SSU72L2: variants seen among roughly 807,000 people sequenced by gnomAD.
SSU72L2 encodes SSU72 like 2, also known as RNA polymerase II subunit A C-terminal domain phosphatase SSU72 like protein 2.
chr11:4,241,752 C>T, the SSU72L2 span, among the ~76,000 whole-genome samples: 18 of 147,590 alleles, frequency 1.2e-4, no homozygotes, highest in South Asian at 9.1e-4. Context: ...TCGGTTTGCT[C>T]ATCTGGAAAA....
the SSU72L2 span, chr11:4,242,473 A>C: frequency 5.1e-6 from 4 of 778,036 alleles, no homozygotes; most frequent in South Asian, 5.4e-5. Context: ...TTGTTGCAAA[A>C]TCATAAACTA....
chr11:4,242,660 CAG>C, the SSU72L2 span: 1 of 578,066 alleles, frequency 1.7e-6, no homozygotes, highest in Non-Finnish European at 3.1e-6. Flanking sequence ...CACTGGGAAC[CAG>C]AGAGACACAG....
At chr11:4,241,785 C>T in the SSU72L2 span, among the ~76,000 whole-genome samples, 14 of 149,214 alleles carry the variant, frequency 9.4e-5, no homozygotes, top group African/African-American at 2.2e-4. Flanking sequence ...GGGCTAGCTT[C>T]CTTGTAGAAT....
chr11:4,241,850 A>G, the SSU72L2 span, among the ~76,000 whole-genome samples: 3 of 148,226 alleles, frequency 2.0e-5, no homozygotes, highest in African/African-American at 7.5e-5. Flanking sequence ...AATGCCAACC[A>G]TTTTTCAGTG....
the SSU72L2 span, chr11:4,242,113 G>C: frequency 0.19 from 107,165 of 564,700 alleles, 11,165 homozygotes; most frequent in East Asian, 0.27. Context: ...CCATTTGCAA[G>C]AGCAGCTCCT....
At chr11:4,242,416 G>A in the SSU72L2 span, 16 of 780,148 alleles carry the variant, frequency 2.1e-5, no homozygotes, top group Non-Finnish European at 3.4e-5. Context: ...TGCGGGTGTA[G>A]CATTCTCTAT....
At chr11:4,242,700 G>A in the SSU72L2 span, 13 of 571,994 alleles carry the variant, frequency 2.3e-5, no homozygotes, top group East Asian at 2.0e-4. Flanking sequence ...GGGTCTCGGA[G>A]CCGAGGAGAC....
chr11:4,241,910 A>T, the SSU72L2 span: 1 of 518,296 alleles, frequency 1.9e-6, no homozygotes, highest in Non-Finnish European at 3.4e-6. Context: ...TTTTCTTGGT[A>T]ATAGTCTCTT....
chr11:4,241,659 T>C, the SSU72L2 span, among the ~76,000 whole-genome samples: 2 of 145,328 alleles, frequency 1.4e-5, no homozygotes, highest in Non-Finnish European at 3.0e-5. Context: ...AGGAAGTTTA[T>C]TTAAAAGGTG....
chr11:4,242,030 G>T, the SSU72L2 span: 9 of 612,136 alleles, frequency 1.5e-5, 1 homozygote, highest in Admixed American at 2.6e-4. Context: ...TCTTACTGAG[G>T]AAGGGGACAA....
chr11:4,242,408 C>G, the SSU72L2 span: 221 of 778,354 alleles, frequency 2.8e-4, no homozygotes, highest in South Asian at 2.9e-3. Context: ...GATTCCGTTG[C>G]GGGTGTAGCA....
the SSU72L2 span, chr11:4,242,409 G>C: frequency 1.3e-6 from 1 of 780,212 alleles, no homozygotes; most frequent in Non-Finnish European, 2.4e-6. Context: ...ATTCCGTTGC[G>C]GGTGTAGCAT....
At chr11:4,241,680 C>A in the SSU72L2 span, among the ~76,000 whole-genome samples, 5 of 145,880 alleles carry the variant, frequency 3.4e-5, no homozygotes, top group African/African-American at 1.3e-4. Context: ...CTTATCTATA[C>A]AATGTTATTT....
At chr11:4,241,671 T>G in the SSU72L2 span, among the ~76,000 whole-genome samples, 1 of 145,848 alleles carries the variant, frequency 6.9e-6, no homozygotes, top group Non-Finnish European at 1.5e-5. Flanking sequence ...TAAAAGGTGC[T>G]TATCTATACA....
chr11:4,242,558 T>G, the SSU72L2 span: 16 of 662,206 alleles, frequency 2.4e-5, no homozygotes, highest in Admixed American at 4.1e-5. Context: ...TAGCCCTTTT[T>G]TCCTGAGGAT....
chr11:4,242,014 C>G, the SSU72L2 span: 1 of 614,296 alleles, frequency 1.6e-6, no homozygotes, highest in South Asian at 2.0e-5. Flanking sequence ...AGTCCCATGT[C>G]TAAGTTCTTA....
At chr11:4,242,678 T>C in the SSU72L2 span, 2 of 576,608 alleles carry the variant, frequency 3.5e-6, no homozygotes, top group Non-Finnish European at 3.1e-6. Flanking sequence ...CACAGGCACC[T>C]CAGCTGCTGC....
At chr11:4,241,956 C>T in the SSU72L2 span, 2 of 588,820 alleles carry the variant, frequency 3.4e-6, no homozygotes, top group Non-Finnish European at 6.0e-6. Flanking sequence ...ACAAACAGTA[C>T]TCAGTGGAAG....
chr11:4,241,951 C>G, the SSU72L2 span: 1 of 579,248 alleles, frequency 1.7e-6, no homozygotes, highest in East Asian at 2.9e-5. Context: ...GTAACACAAA[C>G]AGTACTCAGT....
Sources: gnomAD v4.1 joint callset for allele counts (sites outside exome capture counted in the v4.1 genomes callset) on GRCh38, gnomAD v4.1.1 for gene constraint, MANE v1.5 for transcripts, NCBI Gene and HGNC (gene_info 2026-07-23, HGNC 2026-07-21) for gene names.